The following MGST1 variants were observed in gnomAD, a reference collection of about 807,000 sequenced individuals.
The protein encoded by MGST1 is microsomal glutathione S-transferase 1.
MGST1 carries 5 observed loss-of-function variants against 8.9 expected under a neutral mutation model. The ratio of observed to expected loss-of-function variants is 0.56; its 90% confidence interval spans 0.29 to 1.19. The LOEUF (loss-of-function observed/expected upper bound fraction) is 1.19. MGST1 is among the 50% of genes most tolerant of loss of function. The pLI is 0.08. For synonymous variants in MGST1, 54 were observed against 67.8 expected (o/e 0.80, Z 1.00); for missense variants, 182 against 187.4 (o/e 0.97, Z 0.17).
At chr12:16,450,302 A>G (rs141621197) in intron 4 of MGST1, among the ~76,000 whole-genome samples, 7 of 151,994 alleles carry the variant, frequency 4.6e-5, no homozygotes, top group Middle Eastern at 3.4e-3. Context: ...ACATAAAGCA[A>G]TATGTTTCCC....
chr12:16,401,038 T>C lies in MGST1; in HGVS notation n.778+17434T>C, dbSNP rs1162406539. 6.3e-7 allele frequency: 1 copy of C among 1,590,720 alleles called. No homozygotes were observed. The highest frequency in any genetic ancestry group is 8.6e-7 in the Non-Finnish European group (1 of 1,159,196). On this transcript the variant is annotated intron_variant and non_coding_transcript_variant, in intron 1 of 1. Transcript: ENST00000359720. The surrounding 1 kb of genome is among the most constrained non-coding windows in gnomAD (Gnocchi z 4.3). ...CTGCAGTCATTTCATTCCTGTTCTT[T>C]CTGTAAGTAATGCTGCCCGAGAACC...
intron 1 of MGST1, among the ~76,000 whole-genome samples, chr12:16,423,090 C>A (rs1409331093): frequency 6.6e-6 from 1 of 152,228 alleles, no homozygotes; most frequent in African/African-American, 2.4e-5. Context: ...AGCCTGGAAA[C>A]TCTCTAAACA....
At chr12:16,553,478 CGA>C (rs766432551) in intron 4 of MGST1, among the ~76,000 whole-genome samples, 2 of 151,980 alleles carry the variant, frequency 1.3e-5, no homozygotes, top group East Asian at 3.8e-4. Flanking sequence ...AGAGGCAGAG[CGA>C]GAGAGAGACA....
intron 1 of MGST1, among the ~76,000 whole-genome samples, chr12:16,353,648 A>G (rs1376057880): frequency 1.4e-5 from 2 of 147,598 alleles, no homozygotes; most frequent in African/African-American, 5.0e-5. Flanking sequence ...TGTTTAGGGC[A>G]TTTTTGCTAT....
rs1941593599 is a variant in MGST1 at position 16,513,859 on chromosome 12, C to T, written n.483-75669C>T. 1.6e-6 allele frequency: 1 copy of T among 612,346 alleles called. No individual in the cohort carries two copies. The highest frequency in any genetic ancestry group is 3.2e-6 in the Non-Finnish European group (1 of 316,484). The allele number at this position is 612,346 out of a possible 1,614,324, so 37.9% of individuals were successfully genotyped here. A position where few individuals can be genotyped will look rare whatever the true frequency, so the allele number is the denominator to read the frequency against. On this transcript the variant is annotated intron_variant and non_coding_transcript_variant, in intron 4 of 4. Coordinates refer to the MGST1 transcript ENST00000538857. This position sits in a 1 kb window ranked among gnomAD's most constrained non-coding sequence, Gnocchi z 4.2. ...CAGCCAAGATGTCTTTCTGCCCAAA[C>T]CAACCTGGGGAAGTCGCACACCCAT...
At chr12:16,485,209 G>T (rs1177966439) in intron 4 of MGST1, among the ~76,000 whole-genome samples, 1 of 152,130 alleles carries the variant, frequency 6.6e-6, no homozygotes, top group Non-Finnish European at 1.5e-5. Flanking sequence ...CAGCTTCTTA[G>T]TCTTTTGCAG....
chr12:16,399,538 C>G (rs1940634958), intron 1 of MGST1: 1 of 1,537,490 alleles, frequency 6.5e-7, no homozygotes, highest in Non-Finnish European at 9.0e-7. Flanking sequence ...GATGAATAAT[C>G]TTCATCACTG....
intron 4 of MGST1, among the ~76,000 whole-genome samples, chr12:16,575,040 G>A (rs1942948532): frequency 6.6e-6 from 1 of 151,988 alleles, no homozygotes; most frequent in Admixed American, 6.5e-5. Flanking sequence ...ACACACAAAA[G>A]AAAAGGTGTT....
intron 1 of MGST1, among the ~76,000 whole-genome samples, chr12:16,352,147 T>G (rs1168895038): frequency 1.3e-5 from 2 of 152,218 alleles, no homozygotes; most frequent in Non-Finnish European, 2.9e-5. Flanking sequence ...GGTATAGTTA[T>G]GACAATTGTA....
chr12:16,401,450 C>T lies in MGST1; in HGVS notation n.778+17846C>T. 2 of 834,012 alleles carry T rather than the reference C, an allele frequency of 2.4e-6. No individual in the cohort carries two copies. Among genetic ancestry groups the T allele is most frequent in the South Asian group, 1.4e-5 (1 of 73,112 alleles). 51.7% of individuals were successfully genotyped at this position (834,012 alleles called of 1,614,324 possible). A position where few individuals can be genotyped will look rare whatever the true frequency, so the allele number is the denominator to read the frequency against. On this transcript the variant is annotated intron_variant and non_coding_transcript_variant, in intron 1 of 1. Coordinates refer to the MGST1 transcript ENST00000359720. This position sits in a 1 kb window ranked among gnomAD's most constrained non-coding sequence, Gnocchi z 4.3. The stretch of plus-strand genomic sequence containing the variant: ...GCCACGTCCATGACAGCATTATATA[C>T]ATCACATATCTTCACACCATGTCTT...
downstream of MGST1, among the ~76,000 whole-genome samples, chr12:16,592,672 T>C (rs1018831724): frequency 6.6e-6 from 1 of 151,922 alleles, no homozygotes; most frequent in African/African-American, 2.4e-5. Context: ...ATTGAGCAGC[T>C]AATAAACAAA....
At position 16,544,221 on chromosome 12, in the gene MGST1, TACACACACACAC is replaced by T. The variant is rs3029719; in HGVS notation, n.483-45275_483-45264del. 0.14 allele frequency among the ~76,000 whole-genome samples: 20,001 copies of T among 138,842 alleles called. 1,416 individuals are homozygous for T. Among genetic ancestry groups the T allele is most frequent in the Middle Eastern group, 0.27 (76 of 282 alleles). 91.1% of individuals were successfully genotyped at this position (138,842 alleles called of 152,430 possible). On this transcript the variant is annotated intron_variant and non_coding_transcript_variant, in intron 4 of 4. Transcript: ENST00000538857. This position sits in a 1 kb window ranked among gnomAD's most constrained non-coding sequence, Gnocchi z 4.8. ...TTAAATTGACACCTTAAGTAAGAAC[TACACACACACAC>T]ACACACACACACACACACACACACA...
rs531544164 is a variant in MGST1, at chr12:16,447,873, T to C, written n.482+64269T>C. Among the ~76,000 whole-genome samples the C allele has an allele frequency of 1.4e-4, 21 of 152,098 alleles. No homozygotes were observed. The East Asian group carries it at 3.7e-3, about 27-fold the overall frequency. On this transcript the variant is annotated intron_variant and non_coding_transcript_variant, in intron 4 of 4. Coordinates refer to the MGST1 transcript ENST00000538857. Reference sequence around the variant, plus strand: ...TTTCTAGTTGCTTATGGTAAGAACTTAATTTCAAAGCTGGTAACTGCATCA... The same window carrying C: ...TTTCTAGTTGCTTATGGTAAGAACTCAATTTCAAAGCTGGTAACTGCATCA...
chr12:16,355,184 C>T (rs1313197782), intron 2 of MGST1, among the ~76,000 whole-genome samples: 1 of 151,288 alleles, frequency 6.6e-6, no homozygotes, highest in Non-Finnish European at 1.5e-5. Context: ...CACAGTCTTC[C>T]CTAAGGTGTT....
chr12:16,424,140 C>A (rs775275097), intron 1 of MGST1, among the ~76,000 whole-genome samples: 1 of 152,148 alleles, frequency 6.6e-6, no homozygotes, highest in Non-Finnish European at 1.5e-5. Context: ...GGACCAAGAA[C>A]AATTGTAGAT....
intron 4 of MGST1, among the ~76,000 whole-genome samples, chr12:16,460,399 G>C (rs2137123991): frequency 6.6e-6 from 1 of 152,172 alleles, no homozygotes; most frequent in East Asian, 1.9e-4. Context: ...CCAAGGTGAG[G>C]TGTGCTATCC....
chr12:16,523,046 A>C (rs1244296938), intron 4 of MGST1, among the ~76,000 whole-genome samples: 2 of 152,000 alleles, frequency 1.3e-5, no homozygotes, highest in Non-Finnish European at 2.9e-5. Flanking sequence ...AAGACATATG[A>C]CATATTTGCA....
rs1591714833 is a variant in MGST1 at position 16,389,195 on chromosome 12, A to G, written n.778+5591A>G. 6.6e-6 allele frequency among the ~76,000 whole-genome samples: 1 copy of G among 152,248 alleles called. No individual in the cohort carries two copies. Among genetic ancestry groups the G allele is most frequent in the East Asian group, 1.9e-4 (1 of 5,192 alleles). ...GATGGCTTACCCAGCAACCAGCTCC[A>G]ATTACAGAAATAACAGAAGGAAATT... On this transcript the variant is annotated intron_variant and non_coding_transcript_variant, in intron 1 of 1. Coordinates refer to the MGST1 transcript ENST00000359720. The surrounding 1 kb of genome is among the most constrained non-coding windows in gnomAD (Gnocchi z 4.6).
intron 1 of MGST1, among the ~76,000 whole-genome samples, chr12:16,386,755 T>C (rs973667313): frequency 1.3e-5 from 2 of 152,164 alleles, no homozygotes; most frequent in Non-Finnish European, 2.9e-5. Context: ...CACTTGCAGT[T>C]CAAAAATATT....
Sources: gnomAD v4.1 joint callset for allele counts (sites outside exome capture counted in the v4.1 genomes callset) on GRCh38, gnomAD v4.1.1 for gene constraint, Gnocchi (gnomAD v3.1) non-coding constraint, MANE v1.5 for transcripts, NCBI Gene and HGNC (gene_info 2026-07-23, HGNC 2026-07-21) for gene names.